UNC80: variants seen among roughly 807,000 people sequenced by gnomAD.
UNC80 encodes the protein protein unc-80 homolog.
A neutral mutation model predicts 384.6 loss-of-function variants in UNC80; 164 were observed. The observed-to-expected ratio is 0.43, with a 90% CI of 0.38 to 0.49. The LOEUF (loss-of-function observed/expected upper bound fraction) is 0.49, where lower values mean the gene tolerates loss of function less well. UNC80 is among the 20% of genes least tolerant of loss of function. The pLI, the probability that UNC80 is intolerant of heterozygous loss-of-function variation, is 0.00. For missense variants in UNC80, 3,330 were observed against 4,143.0 expected, an observed-to-expected ratio of 0.80 and a Z score of 5.39; for synonymous variants, 1,486 against 1,527.8, an observed-to-expected ratio of 0.97 and a Z score of 0.64.
At chr2:209,914,021 C>A in intron 31 of UNC80, 81 bp downstream of exon 31, 1 of 1,448,374 alleles carries the variant, frequency 6.9e-7, no homozygotes, top group Non-Finnish European at 9.2e-7. Context: ...GAGGTGTTTC[C>A]ATTCTATTTT....
intron 46 of UNC80, 127 bp downstream of exon 46, chr2:209,945,316 A>G (rs2091862009): frequency 1.0e-6 from 1 of 972,618 alleles, no homozygotes; most frequent in Admixed American, 3.5e-5. Context: ...AAGTAGCAAA[A>G]ATAAATGGAA....
intron 31 of UNC80, among the ~76,000 whole-genome samples, chr2:209,917,203 C>T (rs1184618146): frequency 6.6e-6 from 1 of 152,156 alleles, no homozygotes; most frequent in Admixed American, 6.5e-5. Context: ...GCTCATTATT[C>T]ATTAGCTTTA....
Position 209,995,761 on chromosome 2 carries a change from ATAAACATCT to A in UNC80, c.*171_*179del. The A allele has an allele frequency of 1.3e-6, 1 of 759,794 alleles. No individual in the cohort carries two copies. The highest frequency in any genetic ancestry group is 1.9e-5 in the South Asian group (1 of 52,032). The allele number at this position is 759,794 out of a possible 1,614,324, so 47.1% of individuals were successfully genotyped here. On this transcript the variant is annotated 3_prime_UTR_variant, in exon 65 of 65. Coordinates refer to ENST00000673920, the MANE Select transcript of UNC80 (RefSeq NM_001371986.1). ...TTGCTGCCAATACACATGATGTTTC[ATAAACATCT>A]TAAAAGTCAATGGCTAAAAGGATTT...
At chr2:209,818,051 G>A in intron 11 of UNC80, 99 bp downstream of exon 11, 1 of 1,418,228 alleles carries the variant, frequency 7.1e-7, no homozygotes, top group Non-Finnish European at 9.5e-7. Flanking sequence ...CGCTTCCTGT[G>A]TTTTCTGAAA....
At chr2:209,988,926 G>A (rs761065831) in intron 61 of UNC80, among the ~76,000 whole-genome samples, 2 of 152,050 alleles carry the variant, frequency 1.3e-5, no homozygotes, top group Non-Finnish European at 2.9e-5. Context: ...CTTCAATTTA[G>A]AAAACTTTAT....
chr2:209,792,470 C>T (rs1289820626), intron 6 of UNC80, among the ~76,000 whole-genome samples: 5 of 152,182 alleles, frequency 3.3e-5, no homozygotes, highest in African/African-American at 7.2e-5. Context: ...GCCTCAGCCT[C>T]CCGAGTAGCT....
intron 24 of UNC80, 121 bp from the exon 25 acceptor site, chr2:209,880,840 T>C (rs1009180679): frequency 3.2e-6 from 3 of 924,228 alleles, no homozygotes; most frequent in Non-Finnish European, 3.3e-6. Flanking sequence ...GTTGGACATA[T>C]ATAGGTAACA....
At chr2:209,804,564 G>T (rs1474537643) in intron 7 of UNC80, among the ~76,000 whole-genome samples, 4 of 151,814 alleles carry the variant, frequency 2.6e-5, no homozygotes, top group African/African-American at 7.3e-5. Flanking sequence ...AATCTTTTTA[G>T]GGTCCACTAG....
chr2:209,889,683 C>T (rs2086149944), intron 26 of UNC80, among the ~76,000 whole-genome samples: 1 of 152,148 alleles, frequency 6.6e-6, no homozygotes, highest in East Asian at 1.9e-4. Flanking sequence ...TGATGTTCCC[C>T]TCCCTATGTT....
chr2:209,827,077 A>G (rs1298093553), intron 14 of UNC80, among the ~76,000 whole-genome samples: 1 of 152,002 alleles, frequency 6.6e-6, no homozygotes, highest in Non-Finnish European at 1.5e-5. Flanking sequence ...TATGGGGGTT[A>G]TATTTGCACT....
chr2:209,853,105 C>T (rs115599500), intron 22 of UNC80, among the ~76,000 whole-genome samples: 464 of 151,956 alleles, frequency 3.1e-3, no homozygotes, highest in African/African-American at 0.011. Context: ...TTATAGATTC[C>T]GCCATTTCAT....
chr2:209,776,818 G>A (rs1336671489), intron 3 of UNC80, among the ~76,000 whole-genome samples: 1 of 152,142 alleles, frequency 6.6e-6, no homozygotes, highest in Non-Finnish European at 1.5e-5. Flanking sequence ...TTTACAGATT[G>A]CTTTTTTCAT....
intron 3 of UNC80, 145 bp from the exon 4 acceptor site, chr2:209,777,113 G>A: frequency 2.2e-6 from 2 of 899,780 alleles, no homozygotes; most frequent in Admixed American, 3.0e-5. Flanking sequence ...CAGTAGGGAA[G>A]TCCAAAAAGC....
chr2:209,877,589 T>C (rs1469021757), intron 23 of UNC80, among the ~76,000 whole-genome samples: 2 of 152,200 alleles, frequency 1.3e-5, no homozygotes, highest in East Asian at 3.9e-4. Flanking sequence ...AACTGTGCCT[T>C]CTGATGTTTT....
chr2:209,927,964 T>C (rs1244744890), intron 36 of UNC80, among the ~76,000 whole-genome samples: 1 of 152,278 alleles, frequency 6.6e-6, no homozygotes, highest in East Asian at 1.9e-4. Context: ...TGAATATTAA[T>C]ATAAAAAGTG....
intron 28 of UNC80, among the ~76,000 whole-genome samples, chr2:209,897,056 GT>G (rs1167608474): frequency 6.6e-6 from 1 of 152,166 alleles, no homozygotes; most frequent in Admixed American, 6.5e-5. Context: ...TCCTGGAAAA[GT>G]CAGATGAGCA....
intron 17 of UNC80, among the ~76,000 whole-genome samples, 161 bp from the exon 18 acceptor site, chr2:209,834,751 A>G (rs1176328784): frequency 2.6e-5 from 4 of 152,252 alleles, no homozygotes; most frequent in Non-Finnish European, 5.9e-5. Flanking sequence ...TCATGAGTTA[A>G]TGGTGCGGTA....
At chr2:209,895,673 A>AC (rs2086736009) in intron 27 of UNC80, among the ~76,000 whole-genome samples, 1 of 152,202 alleles carries the variant, frequency 6.6e-6, no homozygotes, top group Admixed American at 6.5e-5. Context: ...AGATCTATAA[A>AC]AGATTTTAGA....
At chr2:209,786,307 T>A in intron 5 of UNC80, 118 bp downstream of exon 5, 3 of 1,284,738 alleles carry the variant, frequency 2.3e-6, no homozygotes, top group Non-Finnish European at 3.1e-6. Flanking sequence ...CTACATGTAG[T>A]TATTTAAGTG....
Sources: gnomAD v4.1 joint callset for allele counts (sites outside exome capture counted in the v4.1 genomes callset) on GRCh38, gnomAD v4.1.1 for gene constraint, MANE v1.5 for transcripts, NCBI Gene and HGNC (gene_info 2026-07-23, HGNC 2026-07-21) for gene names.